DGLUCY: variants seen among roughly 807,000 people sequenced by gnomAD.
The protein encoded by DGLUCY is D-glutamate cyclase, mitochondrial.
DGLUCY carries 58 observed loss-of-function variants against 58.5 expected under a neutral mutation model. That is an observed-to-expected ratio of 0.99 (90% confidence interval 0.80 to 1.23). The LOEUF is 1.23. Ranked by LOEUF, DGLUCY falls within the 50% of genes most tolerant of loss-of-function variation. The pLI is 0.00. For synonymous variants in DGLUCY, 325 were observed against 314.1 expected, an observed-to-expected ratio of 1.03 and a Z score of -0.37; for missense variants, 779 against 784.7, an observed-to-expected ratio of 0.99 and a Z score of 0.09.
At chr14:91,108,318 C>T (rs1323806404) in intron 1 of DGLUCY, among the ~76,000 whole-genome samples, 1 of 151,962 alleles carries the variant, frequency 6.6e-6, no homozygotes, top group Non-Finnish European at 1.5e-5. Context: ...AAAATTAGCA[C>T]TCATATTGGT....
chr14:91,122,450 T>C (rs561660575), intron 1 of DGLUCY, among the ~76,000 whole-genome samples: 2 of 152,080 alleles, frequency 1.3e-5, no homozygotes, highest in East Asian at 3.9e-4. Flanking sequence ...ATTGTACCTT[T>C]AAAAGAAAAA....
chr14:91,123,370 T>TGCCCTGGCAG (rs1320711503), intron 1 of DGLUCY, among the ~76,000 whole-genome samples: 1 of 152,122 alleles, frequency 6.6e-6, no homozygotes, highest in Admixed American at 6.6e-5. Flanking sequence ...CAATAAACGC[T>TGCCCTGGCAG]GCCCTGGCAG....
At chr14:91,186,503 A>T (rs2049533194) in intron 8 of DGLUCY, among the ~76,000 whole-genome samples, 1 of 152,124 alleles carries the variant, frequency 6.6e-6, no homozygotes, top group Non-Finnish European at 1.5e-5. Flanking sequence ...GGATCAGGTG[A>T]TCCATCTGCC....
chr14:91,126,224 A>G (rs923515313), intron 1 of DGLUCY, among the ~76,000 whole-genome samples: 2 of 152,108 alleles, frequency 1.3e-5, no homozygotes, highest in Admixed American at 6.6e-5. Context: ...TTCTACGTCA[A>G]TGTATTAGGG....
intron 1 of DGLUCY, among the ~76,000 whole-genome samples, chr14:91,068,352 A>T: frequency 6.6e-6 from 1 of 152,196 alleles, no homozygotes; most frequent in South Asian, 2.1e-4. Flanking sequence ...TGCGCATCAC[A>T]TATATATCCA....
At chr14:91,183,825 A>G (rs968118974) in intron 8 of DGLUCY, among the ~76,000 whole-genome samples, 1 of 152,128 alleles carries the variant, frequency 6.6e-6, no homozygotes, top group African/African-American at 2.4e-5. Flanking sequence ...TAGAATCTCA[A>G]TGGAAACGGT....
intron 1 of DGLUCY, among the ~76,000 whole-genome samples, chr14:91,117,855 C>G (rs2045078266): frequency 6.6e-6 from 1 of 152,160 alleles, no homozygotes; most frequent in Non-Finnish European, 1.5e-5. Flanking sequence ...TTGATTGATT[C>G]AGTCCAGAAT....
intron 1 of DGLUCY, among the ~76,000 whole-genome samples, chr14:91,150,562 C>A (rs2047268562): frequency 6.6e-6 from 1 of 152,024 alleles, no homozygotes; most frequent in Non-Finnish European, 1.5e-5. Flanking sequence ...CTGCCTCAGC[C>A]TCCTGAGTAG....
rs76197640 is a variant in DGLUCY, at chr14:91,075,759, C to G, written c.-82+15055C>G. Among the ~76,000 whole-genome samples the G allele has an allele frequency of 6.3e-3, 956 of 152,232 alleles. 9 individuals are homozygous for G. The highest frequency in any genetic ancestry group is 0.01 in the Non-Finnish European group (693 of 68,012). On this transcript the variant is annotated intron_variant, in intron 1 of 4. Coordinates refer to the DGLUCY transcript ENST00000521334. ...AGCACTAGCCCGGGTGGTTCATTTC[C>G]TTATTTATTCAGCATCTTTACTGGA... is the stretch of plus-strand genomic sequence containing the variant.
chr14:91,097,949 GAAGA>G (rs2044424479), intron 1 of DGLUCY, among the ~76,000 whole-genome samples: 1 of 152,048 alleles, frequency 6.6e-6, no homozygotes, highest in Admixed American at 6.6e-5. Flanking sequence ...CAGCTTTCTG[GAAGA>G]AAAAGAGAAA....
At chr14:91,116,780 T>C (rs1455424920) in intron 1 of DGLUCY, among the ~76,000 whole-genome samples, 1 of 151,894 alleles carries the variant, frequency 6.6e-6, no homozygotes, top group Non-Finnish European at 1.5e-5. Context: ...CCCATCTCTA[T>C]TAAAAATACA....
intron 1 of DGLUCY, among the ~76,000 whole-genome samples, chr14:91,072,618 T>C (rs576472911): frequency 2.0e-5 from 3 of 151,612 alleles, no homozygotes; most frequent in East Asian, 1.9e-4. Context: ...TACCAAATAT[T>C]GATGGCTGTT....
At chr14:91,087,288 C>T (rs1043302432) in intron 1 of DGLUCY, among the ~76,000 whole-genome samples, 1 of 152,148 alleles carries the variant, frequency 6.6e-6, no homozygotes, top group Non-Finnish European at 1.5e-5. Context: ...CTATTGCATG[C>T]CAGGAATTGT....
chr14:91,183,213 C>T (rs981279630), intron 8 of DGLUCY, among the ~76,000 whole-genome samples: 1 of 152,060 alleles, frequency 6.6e-6, no homozygotes, highest in Non-Finnish European at 1.5e-5. Flanking sequence ...CCAGGCTGGT[C>T]TCAAACTCCT....
At chr14:91,215,902 C>G in intron 13 of DGLUCY, 4 of 505,458 alleles carry the variant, frequency 7.9e-6, no homozygotes, top group Non-Finnish European at 1.3e-5. Flanking sequence ...GTACTTCATA[C>G]TGTTAGTGGT....
intron 1 of DGLUCY, among the ~76,000 whole-genome samples, chr14:91,071,547 A>C (rs2043919226): frequency 6.6e-6 from 1 of 152,176 alleles, no homozygotes; most frequent in African/African-American, 2.4e-5. Flanking sequence ...CAGAACCAAG[A>C]ATAAATAGCT....
chr14:91,116,628 A>G (rs2044965558), intron 1 of DGLUCY, among the ~76,000 whole-genome samples: 1 of 152,146 alleles, frequency 6.6e-6, no homozygotes, highest in Admixed American at 6.6e-5. Context: ...AGCAAAGTGG[A>G]AGTGAAAGCA....
intron 1 of DGLUCY, among the ~76,000 whole-genome samples, chr14:91,137,638 G>T (rs991712152): frequency 6.6e-6 from 1 of 150,850 alleles, no homozygotes; most frequent in Non-Finnish European, 1.5e-5. Context: ...CTCATGATCC[G>T]CCCGCCTTAG....
chr14:91,210,308 C>G (rs780506774), intron 12 of DGLUCY, among the ~76,000 whole-genome samples: 1 of 152,248 alleles, frequency 6.6e-6, no homozygotes, highest in African/African-American at 2.4e-5. Context: ...GAGACTTCAA[C>G]ACCCCTGTAT....
Sources: allele counts gnomAD v4.1 joint callset (sites outside exome capture counted in the v4.1 genomes callset), GRCh38; gene constraint gnomAD v4.1.1; transcripts MANE v1.5; gene names NCBI Gene and HGNC (gene_info 2026-07-23, HGNC 2026-07-21).